Variants in ABCB5 observed in about 807,000 individuals in gnomAD.
ABCB5 encodes the protein ATP binding cassette subfamily B member 5.
Under a neutral mutation model 144.2 loss-of-function variants are expected in ABCB5, and 155 were observed. That is an observed-to-expected ratio of 1.08 (90% CI 0.94 to 1.23). ABCB5 has a LOEUF of 1.23. Ranked by LOEUF, ABCB5 falls within the 50% of genes most tolerant of loss-of-function variation. ABCB5 has a pLI of 0.00. For synonymous variants in ABCB5, 610 were observed against 528.6 expected (o/e 1.15, Z -2.11); for missense variants, 1,830 against 1,520.8 (o/e 1.20, Z -3.38).
At chr7:20,663,348 T>C (rs1785065723) in intron 14 of ABCB5, among the ~76,000 whole-genome samples, 1 of 152,214 alleles carries the variant, frequency 6.6e-6, no homozygotes, top group African/African-American at 2.4e-5. Flanking sequence ...AATCCAAATG[T>C]CTGTTTACAG....
chr7:20,629,544 C>A (rs1469119592), intron 4 of ABCB5, among the ~76,000 whole-genome samples: 1 of 151,996 alleles, frequency 6.6e-6, no homozygotes, highest in African/African-American at 2.4e-5. Flanking sequence ...AGTGGATCAC[C>A]TGAGGTCAGG....
At chr7:20,727,005 T>C in intron 21 of ABCB5, 35 bp from the exon 22 acceptor site, 1 of 1,474,128 alleles carries the variant, frequency 6.8e-7, no homozygotes, top group Non-Finnish European at 9.3e-7. Flanking sequence ...CCATTACTAA[T>C]TTTATTTCTA....
At position 20,643,509 on chromosome 7, in the gene ABCB5, G is replaced by A. The variant is rs1021357784; in HGVS notation, c.555G>A (p.Leu185=). Residue 185 remains leucine (L), a synonymous_variant, in exon 7 of 28, where the codon TTG becomes TTA. Coordinates refer to ENST00000404938, the MANE Select transcript of ABCB5 (RefSeq NM_001163941.2). ...GTATTGGAGATAAGATTGCTCTGTTGTTTCAAAACATGTCTACTTTTTCGA... is the reference window on the plus strand; with the variant it reads ...GTATTGGAGATAAGATTGCTCTGTTATTTCAAAACATGTCTACTTTTTCGA... ...SDGIGDKIAL[L]FQNMSTFSIG... The A allele has an allele frequency of 8.1e-6, 13 of 1,613,896 alleles. No individual in the cohort carries two copies. In the African/African-American group the frequency reaches 1.6e-4, roughly 20 times the overall value.
intron 13 of ABCB5, among the ~76,000 whole-genome samples, chr7:20,654,365 C>T (rs1382267361): frequency 6.6e-6 from 1 of 152,056 alleles, no homozygotes; most frequent in Non-Finnish European, 1.5e-5. Flanking sequence ...CTTCAAAATA[C>T]ATGAAGCAAA....
At chr7:20,743,657 C>T (rs1782629793) in intron 25 of ABCB5, among the ~76,000 whole-genome samples, 1 of 152,036 alleles carries the variant, frequency 6.6e-6, no homozygotes, top group Admixed American at 6.6e-5. Flanking sequence ...TGTCCTCCCC[C>T]CACCACCCAC....
chr7:20,710,633 T>C (rs1786998290), intron 20 of ABCB5, among the ~76,000 whole-genome samples: 1 of 149,934 alleles, frequency 6.7e-6, no homozygotes, highest in South Asian at 2.1e-4. Context: ...AGTGGCATTT[T>C]ACAAAAGAAG....
intron 16 of ABCB5, among the ~76,000 whole-genome samples, chr7:20,696,109 T>C (rs927598307): frequency 1.3e-5 from 2 of 152,122 alleles, no homozygotes; most frequent in Non-Finnish European, 2.9e-5. Flanking sequence ...CAAAGCCTTG[T>C]ATATGAATGT....
chr7:20,689,082 G>A (rs919558244), intron 16 of ABCB5, among the ~76,000 whole-genome samples: 3 of 152,086 alleles, frequency 2.0e-5, no homozygotes, highest in South Asian at 2.1e-4. Flanking sequence ...AAACCTGCAC[G>A]TTGTGCACAT....
At chr7:20,621,103 A>G (rs1196796306) in intron 1 of ABCB5, among the ~76,000 whole-genome samples, 4 of 152,176 alleles carry the variant, frequency 2.6e-5, no homozygotes, top group African/African-American at 9.6e-5. Flanking sequence ...ATGAACCTTG[A>G]AAACATTATG....
chr7:20,626,704 C>A, intron 3 of ABCB5, 93 bp downstream of exon 3: 1 of 975,356 alleles, frequency 1.0e-6, no homozygotes, highest in Non-Finnish European at 1.4e-6. Context: ...ATTGCATCCA[C>A]TATTTGTGGG....
chr7:20,725,278 T>C (rs542657338), intron 21 of ABCB5, among the ~76,000 whole-genome samples: 1 of 151,630 alleles, frequency 6.6e-6, no homozygotes, highest in Non-Finnish European at 1.5e-5. Flanking sequence ...ATCAAACGTT[T>C]AGTTTTTAAG....
At chr7:20,693,199 C>CA (rs1182324774) in intron 16 of ABCB5, among the ~76,000 whole-genome samples, 74 of 149,942 alleles carry the variant, frequency 4.9e-4, no homozygotes, top group African/African-American at 9.8e-4. Context: ...CCTGTTTCTA[C>CA]AAAAAAAAAT....
At chr7:20,619,730 A>G (rs1783768976) in intron 1 of ABCB5, among the ~76,000 whole-genome samples, 2 of 152,110 alleles carry the variant, frequency 1.3e-5, no homozygotes, top group African/African-American at 4.8e-5. Flanking sequence ...TGCTTTGAGG[A>G]TAGGCTGTAT....
At chr7:20,630,444 C>T (rs1239816613) in intron 4 of ABCB5, among the ~76,000 whole-genome samples, 1 of 151,838 alleles carries the variant, frequency 6.6e-6, no homozygotes. Context: ...AAAAGTAAAT[C>T]TTTTACGTGT....
chr7:20,681,539 A>G lies in ABCB5; in HGVS notation c.1742A>G (p.His581Arg), dbSNP rs1461026447. The G allele has an allele frequency of 1.2e-6, 2 of 1,614,122 alleles. No homozygotes were observed. Among genetic ancestry groups the G allele is most frequent in the African/African-American group, 1.3e-5 (1 of 74,938 alleles). Residue 581 changes from histidine to arginine, a missense_variant, in exon 15 of 28, where the codon CAC becomes CGC. His to Arg is a conservative substitution (Grantham distance 29). Coordinates refer to ENST00000404938, the MANE Select transcript of ABCB5 (RefSeq NM_001163941.2). ...GGTCGGACTACAATCGTGGTAGCAC[A>G]CCGACTTTCTACTATTCGAAGTGCA... ...SKGRTTIVVA[H>R]RLSTIRSADL...
At chr7:20,716,227 A>G (rs561892331) in intron 20 of ABCB5, among the ~76,000 whole-genome samples, 1 of 152,230 alleles carries the variant, frequency 6.6e-6, no homozygotes, top group African/African-American at 2.4e-5. Context: ...TCAAAATATT[A>G]AAAGAAACTT....
In ABCB5 at chr7:20,677,884, G is replaced by C. The variant is rs1406282022; in HGVS notation, c.1708-3621G>C. Among the ~76,000 whole-genome samples the C allele has an allele frequency of 2.0e-5, 3 of 152,146 alleles. 1 individual carries two copies. The East Asian group carries it at 5.8e-4, about 29-fold the overall frequency. On this transcript the variant is annotated intron_variant, in intron 14 of 27. Coordinates refer to ENST00000404938, the MANE Select transcript of ABCB5 (RefSeq NM_001163941.2). ...CCTTTTTACCTCTGTCAATGATCAA[G>C]ACCAGCTACATAGTTTGTGGGGTCC...
chr7:20,652,816 T>C (rs1371636318), intron 13 of ABCB5, among the ~76,000 whole-genome samples: 1 of 152,220 alleles, frequency 6.6e-6, no homozygotes, highest in Non-Finnish European at 1.5e-5. Flanking sequence ...AGATTTGCAA[T>C]TAAAATACAT....
intron 15 of ABCB5, among the ~76,000 whole-genome samples, chr7:20,685,120 G>A (rs576962847): frequency 1.3e-5 from 2 of 152,280 alleles, no homozygotes; most frequent in South Asian, 4.2e-4. Flanking sequence ...CAAAGTGCTG[G>A]GATTACAGGG....
Sources: gnomAD v4.1 joint callset for allele counts (sites outside exome capture counted in the v4.1 genomes callset) on GRCh38, gnomAD v4.1.1 for gene constraint, MANE v1.5 for transcripts, NCBI Gene and HGNC (gene_info 2026-07-23, HGNC 2026-07-21) for gene names.